DERA: variants seen among roughly 807,000 people sequenced by gnomAD.
The protein encoded by DERA is 2-deoxy-D-ribose 5-phosphate aldolase.
DERA carries 15 observed loss-of-function variants against 41.1 expected under a neutral mutation model. That is an observed-to-expected ratio of 0.37 (90% CI 0.24 to 0.56). The LOEUF is 0.56. DERA is among the 20% of genes least tolerant of loss of function. DERA has a pLI of 0.81. For synonymous variants in DERA, 139 were observed against 137.4 expected (o/e 1.01, Z -0.08); for missense variants, 396 against 403.4 (o/e 0.98, Z 0.16).
rs1167308270 is a variant in DERA, at chr12:16,037,053, A to C, written c.*307A>C. ...TGATAACATCAAATTCTAAGGGAGAAAAAAACAATATTAAACCGCCCAAGC... is the reference window on the plus strand; with the variant it reads ...TGATAACATCAAATTCTAAGGGAGACAAAAACAATATTAAACCGCCCAAGC... On this transcript the variant is annotated 3_prime_UTR_variant, in exon 9 of 9. Transcript: ENST00000428559. This position sits in a 1 kb window ranked among gnomAD's most constrained non-coding sequence, Gnocchi z 6.7. 1 of 286,248 alleles carries C rather than the reference A, an allele frequency of 3.5e-6. No homozygotes were observed. The highest frequency in any genetic ancestry group is 2.3e-5 in the African/African-American group (1 of 44,096). The allele number at this position is 286,248 out of a possible 1,614,324, so 17.7% of individuals were successfully genotyped here.
chr12:16,013,537 C>T lies in DERA; in HGVS notation c.638-19005C>T, dbSNP rs1399017423. On this transcript the variant is annotated intron_variant, in intron 6 of 8. Coordinates refer to ENST00000428559, the MANE Select transcript of DERA (RefSeq NM_015954.4). This position sits in a 1 kb window ranked among gnomAD's most constrained non-coding sequence, Gnocchi z 5.8. Reference sequence around the variant, plus strand: ...CATGATTGTAAGTTTCCTGAGGCCTCCCCAGCCATGCTGAACTGTGAGTCA... The same window carrying T: ...CATGATTGTAAGTTTCCTGAGGCCTTCCCAGCCATGCTGAACTGTGAGTCA... 6.6e-6 allele frequency among the ~76,000 whole-genome samples: 1 copy of T among 152,172 alleles called. No individual in the cohort carries two copies. Among genetic ancestry groups the T allele is most frequent in the African/African-American group, 2.4e-5 (1 of 41,452 alleles).
Position 15,995,754 on chromosome 12 carries a change from C to T in DERA, c.637+13318C>T, listed in dbSNP as rs1469758173. The stretch of plus-strand genomic sequence containing the variant: ...AGGATGAGATAAATTGAACCCTTCT[C>T]ATGAAGAGTGGTTGGAAAGAAAGTG... On this transcript the variant is annotated intron_variant, in intron 6 of 8. Transcript: ENST00000428559. The surrounding 1 kb of genome is among the most constrained non-coding windows in gnomAD (Gnocchi z 5.1). Among the ~76,000 whole-genome samples, 2 of 152,080 alleles carry T rather than the reference C, an allele frequency of 1.3e-5. No individual in the cohort carries two copies. The highest frequency in any genetic ancestry group is 2.4e-5 in the African/African-American group (1 of 41,398).
chr12:16,018,665 A>G (rs1020900874), intron 6 of DERA, among the ~76,000 whole-genome samples: 1 of 152,170 alleles, frequency 6.6e-6, no homozygotes, highest in Non-Finnish European at 1.5e-5. Context: ...TTGTTTAATG[A>G]AAGTTTTTAA....
chr12:15,939,455 A>C (rs2136135301), intron 1 of DERA, among the ~76,000 whole-genome samples: 1 of 152,328 alleles, frequency 6.6e-6, no homozygotes, highest in East Asian at 1.9e-4. Context: ...CAACTTTAGA[A>C]TTTTAAAATT....
chr12:15,940,631 G>A lies in DERA; in HGVS notation c.32-16305G>A, dbSNP rs917398911. On this transcript the variant is annotated intron_variant, in intron 1 of 8. Coordinates refer to ENST00000428559, the MANE Select transcript of DERA (RefSeq NM_015954.4). The surrounding 1 kb of genome is among the most constrained non-coding windows in gnomAD (Gnocchi z 5.1). ...CTCCCAAAATGCTGGGATTACAGGCGTGAGCCACCGCATCCGGCCTGCTTT... is the reference window on the plus strand; with the variant it reads ...CTCCCAAAATGCTGGGATTACAGGCATGAGCCACCGCATCCGGCCTGCTTT... 6.6e-6 allele frequency among the ~76,000 whole-genome samples: 1 copy of A among 152,122 alleles called. No individual in the cohort carries two copies. Among genetic ancestry groups the A allele is most frequent in the Non-Finnish European group, 1.5e-5 (1 of 68,026 alleles).
intron 5 of DERA, among the ~76,000 whole-genome samples, chr12:15,974,402 G>A (rs1269145958): frequency 2.0e-5 from 3 of 152,088 alleles, no homozygotes; most frequent in Non-Finnish European, 2.9e-5. Flanking sequence ...TGTCTTTGAC[G>A]ATTACGGGCC....
chr12:15,974,581 C>T (rs926409551), intron 5 of DERA, among the ~76,000 whole-genome samples: 1 of 152,046 alleles, frequency 6.6e-6, no homozygotes, highest in African/African-American at 2.4e-5. Context: ...TGATGATGTT[C>T]CTTTTTTTAC....
intron 1 of DERA, among the ~76,000 whole-genome samples, chr12:15,946,060 G>C (rs912935014): frequency 1.3e-5 from 2 of 152,158 alleles, no homozygotes; most frequent in Admixed American, 1.3e-4. Flanking sequence ...AACCAGCCTT[G>C]CATCCCAGGG....
At chr12:16,028,470 A>T (rs1949068092) in intron 6 of DERA, among the ~76,000 whole-genome samples, 1 of 152,234 alleles carries the variant, frequency 6.6e-6, no homozygotes, top group Non-Finnish European at 1.5e-5. Context: ...AATTCCAAGT[A>T]ATTATGTAGC....
chr12:15,942,928 C>G (rs1206111101), intron 1 of DERA, among the ~76,000 whole-genome samples: 1 of 152,200 alleles, frequency 6.6e-6, no homozygotes, highest in Non-Finnish European at 1.5e-5. Flanking sequence ...CCAGGCTTGT[C>G]TTGGGCAACC....
rs767293925 is a variant in DERA at position 15,988,487 on chromosome 12, A to G, written c.637+6051A>G. ...CCTGTAGTGGGTAGCTCCTTTTTGC[A>G]GGCAGGTCGTCCCTGTGAGTGTGTG... On this transcript the variant is annotated intron_variant, in intron 6 of 8. Coordinates refer to ENST00000428559, the MANE Select transcript of DERA (RefSeq NM_015954.4). The surrounding 1 kb of genome is among the most constrained non-coding windows in gnomAD (Gnocchi z 6.0). Among the ~76,000 whole-genome samples the G allele has an allele frequency of 1.3e-5, 2 of 152,152 alleles. No homozygotes were observed. Among genetic ancestry groups the G allele is most frequent in the African/African-American group, 4.8e-5 (2 of 41,444 alleles).
chr12:15,927,927 T>C (rs1033722494), intron 1 of DERA, among the ~76,000 whole-genome samples: 46 of 152,312 alleles, frequency 3.0e-4, no homozygotes, highest in African/African-American at 9.9e-4. Flanking sequence ...GAAGAAAAAG[T>C]AGCAGACGAA....
At position 15,989,093 on chromosome 12, in the gene DERA, A is replaced by G. The variant is rs1486815184; in HGVS notation, c.637+6657A>G. Among the ~76,000 whole-genome samples, 2 of 152,182 alleles carry G rather than the reference A, an allele frequency of 1.3e-5. No individual in the cohort carries two copies. Among genetic ancestry groups the G allele is most frequent in the African/African-American group, 4.8e-5 (2 of 41,452 alleles). On this transcript the variant is annotated intron_variant, in intron 6 of 8. Coordinates refer to ENST00000428559, the MANE Select transcript of DERA (RefSeq NM_015954.4). This position sits in a 1 kb window ranked among gnomAD's most constrained non-coding sequence, Gnocchi z 5.2. ...GAGGGCTTCCCAGGCTTCTAAGAGC[A>G]CAGGAATGCCTGGGTCTGGAGATGT...
Position 15,918,197 on chromosome 12 carries a change from C to T in DERA, c.31+6783C>T, listed in dbSNP as rs1008281361. 1.3e-5 allele frequency among the ~76,000 whole-genome samples: 2 copies of T among 152,206 alleles called. No homozygotes were observed. Among genetic ancestry groups the T allele is most frequent in the African/African-American group, 4.8e-5 (2 of 41,454 alleles). ...CTCCCTCCTGTGAGTCTGCCTTCCT[C>T]ATCCCGCTGGTGCTTGGTCCCCCAC... On this transcript the variant is annotated intron_variant, in intron 1 of 8. Transcript: ENST00000428559. This position sits in a 1 kb window ranked among gnomAD's most constrained non-coding sequence, Gnocchi z 4.3.
chr12:15,948,135 A>G (rs1385525339), intron 1 of DERA, among the ~76,000 whole-genome samples: 2 of 151,828 alleles, frequency 1.3e-5, no homozygotes, highest in Non-Finnish European at 2.9e-5. Context: ...TGCCTTTAAC[A>G]TTTTTTCCTT....
At position 16,036,736 on chromosome 12, in the gene DERA, CA is replaced by C; in HGVS notation, c.949del (p.Met317CysfsTer17). ...AGATATGCAGCTTATCATGATCTTC[CA>C]ATGTCTTAAATCAGTCACCAGTTCC... is the stretch of plus-strand genomic sequence containing the variant. Reference protein sequence around the residue: ...TGRYAAYHDLPMS With the variant: ...TGRYAAYHDLXMS On this transcript the variant is annotated frameshift_variant, in exon 9 of 9. Coordinates refer to ENST00000428559, the MANE Select transcript of DERA (RefSeq NM_015954.4). LOFTEE classifies it high-confidence loss of function. This position sits in a 1 kb window ranked among gnomAD's most constrained non-coding sequence, Gnocchi z 4.9. 1.3e-6 allele frequency: 2 copies of C among 1,596,994 alleles called. No homozygotes were observed. The highest frequency in any genetic ancestry group is 8.5e-7 in the Non-Finnish European group (1 of 1,174,006).
chr12:15,961,454 T>C (rs1276478255), intron 4 of DERA, among the ~76,000 whole-genome samples: 2 of 152,026 alleles, frequency 1.3e-5, no homozygotes, highest in Non-Finnish European at 2.9e-5. Flanking sequence ...GGCGAGAGGA[T>C]TGATTAAAGC....
chr12:15,958,377 C>T, intron 3 of DERA, 42 bp downstream of exon 3: 1 of 1,493,162 alleles, frequency 6.7e-7, no homozygotes, highest in Non-Finnish European at 8.9e-7. Flanking sequence ...TTAGTGCTTA[C>T]AATACTGATT....
chr12:16,030,151 C>T (rs1284642377), intron 6 of DERA, among the ~76,000 whole-genome samples: 2 of 149,396 alleles, frequency 1.3e-5, no homozygotes, highest in African/African-American at 5.0e-5. Flanking sequence ...CCAGGCTGGT[C>T]TTGAACTTCT....
Sources: gnomAD v4.1 joint callset for allele counts (sites outside exome capture counted in the v4.1 genomes callset) on GRCh38, gnomAD v4.1.1 for gene constraint, Gnocchi (gnomAD v3.1) non-coding constraint, MANE v1.5 for transcripts, NCBI Gene and HGNC (gene_info 2026-07-23, HGNC 2026-07-21) for gene names.